The following RAPGEF4 variants were observed in gnomAD, a reference collection of about 807,000 sequenced individuals.
RAPGEF4 encodes Rap guanine nucleotide exchange factor 4.
A neutral mutation model predicts 147.9 loss-of-function variants in RAPGEF4; 66 were observed. The ratio of observed to expected loss-of-function variants is 0.45; its 90% CI spans 0.37 to 0.55. RAPGEF4 has a LOEUF of 0.55. Among genes scored for constraint, RAPGEF4 ranks in the 20% least tolerant of loss-of-function variants. The pLI, the probability that RAPGEF4 is intolerant of heterozygous loss-of-function variation, is 0.00. For synonymous variants in RAPGEF4, 419 were observed against 442.7 expected, an observed-to-expected ratio of 0.95 and a Z score of 0.67; for missense variants, 1,071 against 1,257.3, an observed-to-expected ratio of 0.85 and a Z score of 2.24.
chr2:172,872,593 G>C (rs1575097711), intron 4 of RAPGEF4, among the ~76,000 whole-genome samples: 1 of 152,106 alleles, frequency 6.6e-6, no homozygotes, highest in African/African-American at 2.4e-5. Context: ...CTCCCTTGCT[G>C]TTCTCATGAT....
chr2:172,863,833 G>C (rs115366447), intron 4 of RAPGEF4, among the ~76,000 whole-genome samples: 6 of 151,964 alleles, frequency 3.9e-5, no homozygotes, highest in Non-Finnish European at 7.4e-5. Flanking sequence ...ACCCACCCTC[G>C]GGTCAAAGTC....
chr2:172,737,636 T>C (rs1287934167), intron 1 of RAPGEF4, among the ~76,000 whole-genome samples: 2 of 152,102 alleles, frequency 1.3e-5, no homozygotes, highest in Non-Finnish European at 1.5e-5. Context: ...TAAATGATTT[T>C]GCTTGAAATG....
chr2:172,863,738 G>C (rs573120884), intron 4 of RAPGEF4, among the ~76,000 whole-genome samples: 120 of 152,258 alleles, frequency 7.9e-4, no homozygotes, highest in African/African-American at 2.7e-3. Flanking sequence ...CTGGCAAAAA[G>C]GTTGTTTTCC....
chr2:172,995,196 T>C (rs1232518840), intron 15 of RAPGEF4, among the ~76,000 whole-genome samples: 3 of 152,138 alleles, frequency 2.0e-5, no homozygotes, highest in African/African-American at 7.2e-5. Flanking sequence ...TCTCACTGCT[T>C]TCTGAACATT....
chr2:172,930,287 T>C (rs1685780813), intron 6 of RAPGEF4, among the ~76,000 whole-genome samples: 1 of 152,204 alleles, frequency 6.6e-6, no homozygotes, highest in African/African-American at 2.4e-5. Context: ...GCCATAGGCA[T>C]TCCAGTGTCC....
rs548899819 is a variant in RAPGEF4 at position 173,008,175 on chromosome 2, T to C, written c.1659-6289T>C. The stretch of plus-strand genomic sequence containing the variant: ...TTGGCACTTCTCCTTCTTGGTGCCA[T>C]GTGAAGGACATGATGGTTCCCCTTC... On this transcript the variant is annotated intron_variant, in intron 17 of 30. Transcript: ENST00000397081. 2.0e-5 allele frequency among the ~76,000 whole-genome samples: 3 copies of C among 152,246 alleles called. No homozygotes were observed. The East Asian group carries it at 5.8e-4, about 29-fold the overall frequency.
chr2:172,965,120 T>C (rs1250187418), intron 8 of RAPGEF4: 1 of 170,152 alleles, frequency 5.9e-6, no homozygotes, highest in African/African-American at 2.4e-5. Context: ...GTGCCTTTCA[T>C]AGCACCTCTG....
intron 4 of RAPGEF4, among the ~76,000 whole-genome samples, chr2:172,871,333 G>A (rs527403399): frequency 3.9e-5 from 6 of 152,044 alleles, no homozygotes; most frequent in South Asian, 2.1e-4. Context: ...GATTGGTATC[G>A]GCCTGCTTTC....
intron 26 of RAPGEF4, among the ~76,000 whole-genome samples, chr2:173,033,007 G>A (rs571628964): frequency 6.6e-6 from 1 of 152,292 alleles, no homozygotes; most frequent in Admixed American, 6.5e-5. Context: ...AGAAGTGAAA[G>A]GTTCAGCTTT....
intron 4 of RAPGEF4, among the ~76,000 whole-genome samples, chr2:172,909,717 T>C (rs938097715): frequency 3.3e-5 from 5 of 152,216 alleles, no homozygotes; most frequent in African/African-American, 9.6e-5. Context: ...AGCACAGGCT[T>C]GGCAATCCCC....
At position 173,036,229 on chromosome 2, in the gene RAPGEF4, G is replaced by A. The variant is rs766085557; in HGVS notation, c.2788+17G>A. 4.5e-6 allele frequency: 7 copies of A among 1,553,038 alleles called. No homozygotes were observed. The Admixed American group carries it at 1.0e-4, about 22-fold the overall frequency. ...TCATTAAAGGTAATCCTAATAAGAT[G>A]CACAGGCCAAGCAGGTGATGAGTAT... On this transcript the variant is annotated intron_variant, in intron 28 of 30. Coordinates refer to ENST00000397081, the MANE Select transcript of RAPGEF4 (RefSeq NM_007023.4).
intron 19 of RAPGEF4, among the ~76,000 whole-genome samples, chr2:173,016,774 A>G (rs1277801609): frequency 6.6e-6 from 1 of 152,234 alleles, no homozygotes; most frequent in Non-Finnish European, 1.5e-5. Flanking sequence ...GTTTGAGGGC[A>G]ACTACTTATA....
intron 17 of RAPGEF4, among the ~76,000 whole-genome samples, chr2:173,010,081 T>C (rs1197335842): frequency 1.3e-5 from 2 of 152,322 alleles, no homozygotes; most frequent in African/African-American, 4.8e-5. Context: ...GAAAAATCAC[T>C]TAAACTCATT....
chr2:172,997,185 A>C (rs771919563), intron 16 of RAPGEF4, among the ~76,000 whole-genome samples: 1 of 152,154 alleles, frequency 6.6e-6, no homozygotes, highest in Non-Finnish European at 1.5e-5. Flanking sequence ...TGTGGTTTGC[A>C]GGCTATCTTT....
intron 10 of RAPGEF4, among the ~76,000 whole-genome samples, chr2:172,977,644 C>T (rs1691220427): frequency 6.6e-6 from 1 of 152,144 alleles, no homozygotes; most frequent in African/African-American, 2.4e-5. Flanking sequence ...GTTGACCAGA[C>T]TGACTTTTGC....
Position 172,922,265 on chromosome 2 carries a change from CTTT to C in RAPGEF4, c.518-13_518-11del. The C allele has an allele frequency of 6.2e-7, 1 of 1,606,638 alleles. No homozygotes were observed. The highest frequency in any genetic ancestry group is 8.5e-7 in the Non-Finnish European group (1 of 1,173,218). Reference sequence around the variant, plus strand: ...TACAATTCATGGCCTCTCTCTGTCTCTTTTTCCTCCTTTAGGGATTCCTGACAA... The same window carrying C: ...TACAATTCATGGCCTCTCTCTGTCTCTTCCTCCTTTAGGGATTCCTGACAA... On this transcript the variant is annotated splice_polypyrimidine_tract_variant and intron_variant, in intron 5 of 30. Transcript: ENST00000397081.
rs1004262982 is a variant in RAPGEF4 at position 173,042,463 on chromosome 2, A to G, written c.2853+5771A>G. Among the ~76,000 whole-genome samples the G allele has an allele frequency of 6.6e-6, 1 of 152,086 alleles. No homozygotes were observed. Among genetic ancestry groups the G allele is most frequent in the Non-Finnish European group, 1.5e-5 (1 of 68,014 alleles). ...CCTGGTAAAACCCCATCTCTACTAAAAATACAAAAATTAGCCAGGCATGGT... is the reference window on the plus strand; with the variant it reads ...CCTGGTAAAACCCCATCTCTACTAAGAATACAAAAATTAGCCAGGCATGGT... On this transcript the variant is annotated intron_variant, in intron 29 of 30. Coordinates refer to ENST00000397081, the MANE Select transcript of RAPGEF4 (RefSeq NM_007023.4). The surrounding 1 kb of genome is among the most constrained non-coding windows in gnomAD (Gnocchi z 4.2).
intron 4 of RAPGEF4, chr2:172,893,685 T>C (rs897730667): frequency 1.3e-5 from 2 of 152,248 alleles, no homozygotes; most frequent in Admixed American, 1.3e-4. Flanking sequence ...AAATCTTAAC[T>C]TTCTTTGTCT....
At chr2:172,983,608 T>C (rs1366328869) in intron 11 of RAPGEF4, 28 bp downstream of exon 11, 2 of 1,609,914 alleles carry the variant, frequency 1.2e-6, no homozygotes, top group East Asian at 2.2e-5. Flanking sequence ...TTAGCATGGT[T>C]GGAGCACTTT....
Sources: allele counts gnomAD v4.1 joint callset (sites outside exome capture counted in the v4.1 genomes callset), GRCh38; gene constraint gnomAD v4.1.1; non-coding constraint Gnocchi (gnomAD v3.1); transcripts MANE v1.5; gene names NCBI Gene and HGNC (gene_info 2026-07-23, HGNC 2026-07-21).